Variants in PAX4 observed in about 807,000 individuals in gnomAD.
PAX4 encodes paired box protein Pax-4.
A neutral mutation model predicts 40.6 loss-of-function variants in PAX4; 33 were observed. That is an observed-to-expected ratio of 0.81 (90% confidence interval 0.62 to 1.09). The LOEUF is 1.09. PAX4 is among the 50% of genes least tolerant of loss of function. The pLI is 0.00. For synonymous variants in PAX4, 174 were observed against 170.6 expected, an observed-to-expected ratio of 1.02 and a Z score of -0.16; for missense variants, 459 against 442.5, an observed-to-expected ratio of 1.04 and a Z score of -0.33.
At position 127,615,996 on chromosome 7, in the gene PAX4, T is replaced by C. The variant is rs1369584403; in HGVS notation, c.-68A>G. ...GAAGGCTGGGAAGGGAAGTTCCTTC[T>C]AGGAGCTCCTTTTCCAGCTTGGGGG... On this transcript the variant is annotated 5_prime_UTR_variant, in exon 3 of 12. Coordinates refer to ENST00000639438, the MANE Select transcript of PAX4 (RefSeq NM_001366110.1). The C allele has an allele frequency of 6.6e-7, 1 of 1,521,576 alleles. No homozygotes were observed. The highest frequency in any genetic ancestry group is 8.8e-7 in the Non-Finnish European group (1 of 1,134,788). 94.3% of individuals were successfully genotyped at this position (1,521,576 alleles called of 1,614,324 possible).
At position 127,613,782 on chromosome 7, in the gene PAX4, G is replaced by A; in HGVS notation, c.536C>T (p.Pro179Leu). 1 of 1,614,036 alleles carries A rather than the reference G, an allele frequency of 6.2e-7. No homozygotes were observed. Among genetic ancestry groups the A allele is most frequent in the Non-Finnish European group, 8.5e-7 (1 of 1,180,016 alleles). Residue 179 changes from proline to leucine, a missense_variant, in exon 7 of 12, where the codon CCA (proline) becomes CTA (leucine). By Grantham distance (98) the Pro-to-Leu change is moderately conservative. Transcript: ENST00000639438. ...TTTCTCCAGTGCCTCTGCTTGGCTTGGGGAGAAGATAGTCCGATTCCGGTG... is the reference window on the plus strand; with the variant it reads ...TTTCTCCAGTGCCTCTGCTTGGCTTAGGGAGAAGATAGTCCGATTCCGGTG... Reference protein sequence around the residue: ...TGHRNRTIFSPSQAEALEKEF... With the variant: ...TGHRNRTIFSLSQAEALEKEF...
In PAX4 at chr7:127,613,491, T is replaced by C; in HGVS notation, c.604A>G (p.Lys202Glu). 6.2e-7 allele frequency: 1 copy of C among 1,614,184 alleles called. No homozygotes were observed. The highest frequency in any genetic ancestry group is 8.5e-7 in the Non-Finnish European group (1 of 1,180,040). Residue 202 changes from lysine to glutamate, a missense_variant, in exon 8 of 12, where the codon AAG (lysine) becomes GAG (glutamate). Transcript: ENST00000639438. ...GGCAGAGAGGTGGCAGTAGCCAGCTTTCCACGGGCCACTGAATCAGGATAC... is the reference window on the plus strand; with the variant it reads ...GGCAGAGAGGTGGCAGTAGCCAGCTCTCCACGGGCCACTGAATCAGGATAC... ...GQYPDSVARGKLATATSLPED... is the reference protein window; with the variant it reads ...GQYPDSVARGELATATSLPED...
chr7:127,613,397 C>A, intron 8 of PAX4, 53 bp downstream of exon 8: 1 of 1,562,450 alleles, frequency 6.4e-7, no homozygotes, highest in East Asian at 2.2e-5. Context: ...AAGCCCTGGC[C>A]GGCCCAGACT....
chr7:127,610,651 T>C lies in PAX4; in HGVS notation c.*413A>G, dbSNP rs1794606477. On this transcript the variant is annotated 3_prime_UTR_variant, in exon 12 of 12. Coordinates refer to ENST00000639438, the MANE Select transcript of PAX4 (RefSeq NM_001366110.1). ...TAAATTGATGCATTGACAAATACAT[T>C]GTTTAGATACATGTATTGCCTACAT... The C allele has an allele frequency of 3.4e-6, 2 of 585,042 alleles. No individual in the cohort carries two copies. Among genetic ancestry groups the C allele is most frequent in the Non-Finnish European group, 6.1e-6 (2 of 327,648 alleles). 36.2% of individuals were successfully genotyped at this position (585,042 alleles called of 1,614,324 possible). A position where few individuals can be genotyped will look rare whatever the true frequency, so the allele number is the denominator to read the frequency against.
rs766014675 is a variant in PAX4 at position 127,613,811 on chromosome 7, G to C, written c.507C>G (p.Thr169=). Residue 169 remains threonine (T), a synonymous_variant, in exon 7 of 12, where the codon ACC becomes ACG. Transcript: ENST00000639438. ...AGAAGATAGTCCGATTCCGGTGGCCGGTCCCTGGGTGGGTACCCCGGGGAG... is the reference window on the plus strand; with the variant it reads ...AGAAGATAGTCCGATTCCGGTGGCCCGTCCCTGGGTGGGTACCCCGGGGAG... ...SETPRGTHPG[T]GHRNRTIFSP... 6.2e-7 allele frequency: 1 copy of C among 1,613,986 alleles called. No homozygotes were observed. The highest frequency in any genetic ancestry group is 8.5e-7 in the Non-Finnish European group (1 of 1,179,984).
chr7:127,614,931 G>T lies in PAX4; in HGVS notation c.309C>A (p.Ile103=), dbSNP rs1340945368. 2 of 1,614,054 alleles carry T rather than the reference G, an allele frequency of 1.2e-6. No individual in the cohort carries two copies. Among genetic ancestry groups the T allele is most frequent in the Non-Finnish European group, 1.7e-6 (2 of 1,180,046 alleles). ...GECPALFAWE[I]QRQLCAEGLC... Reference sequence around the variant, plus strand: ...GCCCTTCAGCACAAAGCTGGCGTTGGATTTCCCAGGCAAAGAGGGCTGGAC... The same window carrying T: ...GCCCTTCAGCACAAAGCTGGCGTTGTATTTCCCAGGCAAAGAGGGCTGGAC... Residue 103 remains isoleucine (I), a synonymous_variant, in exon 5 of 12, where the codon ATC becomes ATA. Transcript: ENST00000639438.
intron 9 of PAX4, 92 bp from the exon 10 acceptor site, chr7:127,612,092 G>T: frequency 7.8e-7 from 1 of 1,288,742 alleles, no homozygotes; most frequent in East Asian, 2.4e-5. Context: ...GATACAAAGA[G>T]GTTCTAGGAA....
chr7:127,613,228 T>G (rs1794665319), intron 8 of PAX4, 137 bp from the exon 9 acceptor site: 1 of 873,616 alleles, frequency 1.1e-6, no homozygotes, highest in Admixed American at 1.9e-5. Context: ...CTGCTCTAGC[T>G]TTTGCTCTCT....
At chr7:127,615,246 G>T in intron 4 of PAX4, 151 bp from the exon 5 acceptor site, 1 of 1,592,904 alleles carries the variant, frequency 6.3e-7, no homozygotes, top group Non-Finnish European at 8.5e-7. Flanking sequence ...GAGGGCCTGA[G>T]GCTCCCCTTT....
chr7:127,615,514 G>T lies in PAX4; in HGVS notation c.31C>A (p.Gln11Lys). The change falls in exon 4 of 12, where the codon CAG (glutamine) becomes AAG (lysine). Residue 11 changes from glutamine (Q) to lysine (K), a missense_variant. By Grantham distance (53) the Gln-to-Lys change is moderately conservative. Coordinates refer to ENST00000639438, the MANE Select transcript of PAX4 (RefSeq NM_001366110.1). MHQDGISSMN[Q>K]LGGLFVNGRP... ...CCATTCACAAAGAGCCCCCCAAGCTGGTTCATGCTGCTGATCCCTGGGCGT... is the reference window on the plus strand; with the variant it reads ...CCATTCACAAAGAGCCCCCCAAGCTTGTTCATGCTGCTGATCCCTGGGCGT... The T allele has an allele frequency of 6.2e-7, 1 of 1,614,104 alleles. No individual in the cohort carries two copies. The highest frequency in any genetic ancestry group is 8.5e-7 in the Non-Finnish European group (1 of 1,180,010).
chr7:127,613,931 G>C, intron 6 of PAX4, 50 bp from the exon 7 acceptor site: 2 of 1,607,408 alleles, frequency 1.2e-6, no homozygotes, highest in South Asian at 2.2e-5. Flanking sequence ...TGATTCCTCT[G>C]GTCAGATGGG....
chr7:127,615,566 C>G, intron 3 of PAX4, 35 bp from the exon 4 acceptor site: 1 of 1,612,514 alleles, frequency 6.2e-7, no homozygotes, highest in Non-Finnish European at 8.5e-7. Flanking sequence ...CACACCACCT[C>G]TCCCACTGCC....
rs1794610883 is a variant in PAX4, at chr7:127,610,817, A to G, written c.*247T>C. Reference sequence around the variant, plus strand: ...CAACAGAACTACTGCTAATAAAAACAGCTTTTATTACTGCTGAGTGGAGGC... The same window carrying G: ...CAACAGAACTACTGCTAATAAAAACGGCTTTTATTACTGCTGAGTGGAGGC... On this transcript the variant is annotated 3_prime_UTR_variant, in exon 12 of 12. Coordinates refer to ENST00000639438, the MANE Select transcript of PAX4 (RefSeq NM_001366110.1). 6.8e-7 allele frequency: 1 copy of G among 1,474,040 alleles called. No individual in the cohort carries two copies. Among genetic ancestry groups the G allele is most frequent in the Non-Finnish European group, 9.2e-7 (1 of 1,090,100 alleles). The allele number at this position is 1,474,040 out of a possible 1,614,324, so 91.3% of individuals were successfully genotyped here. A position where few individuals can be genotyped will look rare whatever the true frequency, so the allele number is the denominator to read the frequency against.
At chr7:127,615,672 C>G in intron 3 of PAX4, 141 bp from the exon 4 acceptor site, 1 of 1,554,200 alleles carries the variant, frequency 6.4e-7, no homozygotes, top group South Asian at 1.2e-5. Flanking sequence ...TTGCTGCCCC[C>G]AGGCTGTCAA....
In PAX4 at chr7:127,611,049, C is replaced by T. The variant is rs1279789938; in HGVS notation, c.*15G>A. 1.3e-6 allele frequency: 2 copies of T among 1,595,060 alleles called. No homozygotes were observed. Among genetic ancestry groups the T allele is most frequent in the Admixed American group, 1.7e-5 (1 of 58,114 alleles). On this transcript the variant is annotated 3_prime_UTR_variant, in exon 12 of 12. Transcript: ENST00000639438. Reference sequence around the variant, plus strand: ...TATTAGATCTTCTCTATGCCATCTCCTTCCCACTCCTGCCTCATTCCAAGC... The same window carrying T: ...TATTAGATCTTCTCTATGCCATCTCTTTCCCACTCCTGCCTCATTCCAAGC...
chr7:127,614,511 C>T lies in PAX4; in HGVS notation c.407G>A (p.Gly136Glu). The part of the protein sequence containing the change: ...RVLRALQEDQ[G>E]LPCTRLRSPA... Reference sequence around the variant, plus strand: ...TGACCTGAGCCGTGTGCACGGTAGTCCCTGGTCCTCCTGTAATGCCCGCAG... The same window carrying T: ...TGACCTGAGCCGTGTGCACGGTAGTTCCTGGTCCTCCTGTAATGCCCGCAG... The change falls in exon 6 of 12, where the codon GGA becomes GAA. Residue 136 changes from glycine (G) to glutamate (E), a missense_variant. Coordinates refer to ENST00000639438, the MANE Select transcript of PAX4 (RefSeq NM_001366110.1). 1 of 1,597,076 alleles carries T rather than the reference C, an allele frequency of 6.3e-7. No homozygotes were observed. The highest frequency in any genetic ancestry group is 8.5e-7 in the Non-Finnish European group (1 of 1,171,414).
chr7:127,614,493 AGCCGTGT>A lies in PAX4; in HGVS notation c.418_424del (p.Thr140SerfsTer73). ...ACTCCAAGACCCACCTGGTGACCTG[AGCCGTGT>A]GCACGGTAGTCCCTGGTCCTCCTGT... On this transcript the variant is annotated frameshift_variant, in exon 6 of 12. Transcript: ENST00000639438. LOFTEE classifies it high-confidence loss of function. 6.3e-7 allele frequency: 1 copy of A among 1,595,412 alleles called. No individual in the cohort carries two copies. The highest frequency in any genetic ancestry group is 8.5e-7 in the Non-Finnish European group (1 of 1,170,376).
At chr7:127,612,097 T>C (rs1794636598) in intron 9 of PAX4, 97 bp from the exon 10 acceptor site, 1 of 1,221,546 alleles carries the variant, frequency 8.2e-7, no homozygotes, top group Non-Finnish European at 1.2e-6. Flanking sequence ...AAAGAGGTTC[T>C]AGGAAAGTCA....
rs200757052 is a variant in PAX4, at chr7:127,610,586, C to CACAT, written c.*477_*478insATGT. The CACAT allele has an allele frequency of 0.36, 146,165 of 401,558 alleles. 28,303 individuals are homozygous for CACAT. Among genetic ancestry groups the CACAT allele is most frequent in the Admixed American group, 0.45 (11,001 of 24,472 alleles). 24.9% of individuals were successfully genotyped at this position (401,558 alleles called of 1,614,324 possible). A position where few individuals can be genotyped will look rare whatever the true frequency, so the allele number is the denominator to read the frequency against. On this transcript the variant is annotated 3_prime_UTR_variant, in exon 12 of 12. Coordinates refer to ENST00000639438, the MANE Select transcript of PAX4 (RefSeq NM_001366110.1). Reference sequence around the variant, plus strand: ...GTGTGTGTGTGCGCGCACGCATGCACGCATACATAATACACATATAGATGC... The same window carrying CACAT: ...GTGTGTGTGTGCGCGCACGCATGCACACATGCATACATAATACACATATAGATGC...
Sources: gnomAD v4.1 joint callset for allele counts on GRCh38, gnomAD v4.1.1 for gene constraint, MANE v1.5 for transcripts, NCBI Gene and HGNC (gene_info 2026-07-23, HGNC 2026-07-21) for gene names.